Variants in TENM2 observed in about 807,000 individuals in gnomAD.
TENM2 encodes the protein teneurin transmembrane protein 2.
TENM2 carries 52 observed loss-of-function variants against 245.2 expected under a neutral mutation model. That is an observed-to-expected ratio of 0.21 (90% CI 0.17 to 0.27). The LOEUF is 0.27. Ranked by LOEUF, TENM2 falls within the 10% of genes least tolerant of loss-of-function variation. The pLI is 1.00. For missense variants in TENM2, 3,046 were observed against 3,666.8 expected (o/e 0.83, Z 4.37); for synonymous variants, 1,363 against 1,438.9 (o/e 0.95, Z 1.19).
chr5:167,963,873 C>A (rs1441660061), intron 4 of TENM2, among the ~76,000 whole-genome samples: 1 of 151,936 alleles, frequency 6.6e-6, no homozygotes, highest in African/African-American at 2.4e-5. Context: ...TAACAAAAGA[C>A]AAACAAGCAT....
intron 2 of TENM2, among the ~76,000 whole-genome samples, chr5:167,605,890 G>C (rs960924257): frequency 2.0e-5 from 3 of 152,176 alleles, no homozygotes; most frequent in African/African-American, 7.2e-5. Context: ...GTGTCGCCCA[G>C]AAGAGTCTGG....
chr5:167,994,661 G>C (rs1783918380), intron 5 of TENM2, among the ~76,000 whole-genome samples: 1 of 152,186 alleles, frequency 6.6e-6, no homozygotes. Flanking sequence ...CTCCCAAAGT[G>C]AGAAAACTGA....
chr5:167,899,048 G>T (rs1292464614), intron 3 of TENM2, among the ~76,000 whole-genome samples: 1 of 152,058 alleles, frequency 6.6e-6, no homozygotes, highest in East Asian at 1.9e-4. Context: ...AGGAATGAAG[G>T]GAGGGGGAAG....
chr5:168,130,803 C>T (rs112620330), intron 12 of TENM2, among the ~76,000 whole-genome samples: 1 of 152,026 alleles, frequency 6.6e-6, no homozygotes, highest in Non-Finnish European at 1.5e-5. Flanking sequence ...GTGGGAGAAT[C>T]GCTTGAGCCC....
chr5:167,926,733 C>G (rs2151670741), intron 3 of TENM2, among the ~76,000 whole-genome samples: 1 of 144,780 alleles, frequency 6.9e-6, no homozygotes, highest in Non-Finnish European at 1.5e-5. Context: ...CACACACACA[C>G]ACACACACAC....
At chr5:167,355,922 C>A (rs1759283461) in intron 1 of TENM2, among the ~76,000 whole-genome samples, 3 of 148,072 alleles carry the variant, frequency 2.0e-5, no homozygotes, top group Non-Finnish European at 4.4e-5. Flanking sequence ...GTGGCTCACA[C>A]CTGTAATCCT....
the TENM2 span, among the ~76,000 whole-genome samples, chr5:167,095,279 G>A: frequency 1.3e-5 from 2 of 152,142 alleles, no homozygotes; most frequent in African/African-American, 2.4e-5. Context: ...ATCATGACCC[G>A]CTTTGCAGAG....
At position 167,611,271 on chromosome 5, in the gene TENM2, A is replaced by G. The variant is rs138933654; in HGVS notation, c.502+235798A>G. Among the ~76,000 whole-genome samples the G allele has an allele frequency of 1.9e-3, 283 of 152,194 alleles. 2 individuals carry two copies. Among genetic ancestry groups the G allele is most frequent in the African/African-American group, 6.5e-3 (270 of 41,510 alleles). On this transcript the variant is annotated intron_variant, in intron 2 of 28. Coordinates refer to ENST00000518659, the Ensembl canonical transcript of TENM2. ...TTTCTTTAATACCAGGTTTCCTTTC[A>G]TGCTGCAATATATAAAACAGATCAA...
At chr5:167,417,622 T>C (rs1763238239) in intron 2 of TENM2, among the ~76,000 whole-genome samples, 1 of 152,158 alleles carries the variant, frequency 6.6e-6, no homozygotes, top group East Asian at 1.9e-4. Flanking sequence ...CCATACATTA[T>C]CTAGTTTAAG....
chr5:167,815,115 GT>G (rs1766944124), intron 2 of TENM2, among the ~76,000 whole-genome samples: 1 of 152,132 alleles, frequency 6.6e-6, no homozygotes, highest in Admixed American at 6.6e-5. Context: ...TTTCTTTGTG[GT>G]TTTAAGCAGA....
At chr5:168,214,311 G>A (rs1339355086) in intron 20 of TENM2, among the ~76,000 whole-genome samples, 3 of 152,292 alleles carry the variant, frequency 2.0e-5, no homozygotes, top group East Asian at 1.9e-4. Context: ...CACACACAAA[G>A]GTATTAATCC....
At chr5:168,222,002 A>C in intron 23 of TENM2, among the ~76,000 whole-genome samples, 1 of 152,352 alleles carries the variant, frequency 6.6e-6, no homozygotes, top group East Asian at 1.9e-4. Context: ...ATTTTTAGAA[A>C]TTAGCAAAGC....
intron 2 of TENM2, among the ~76,000 whole-genome samples, chr5:167,776,603 A>AAAAAAAAAAAAC (rs1763805161): frequency 1.1e-5 from 1 of 89,378 alleles, no homozygotes; most frequent in African/African-American, 5.6e-5. Context: ...GAAAAAAAAA[A>AAAAAAAAAAAAC]AAAAAAAAAA....
the TENM2 span, among the ~76,000 whole-genome samples, chr5:167,171,701 G>A: frequency 0.031 from 4,663 of 152,242 alleles, 220 homozygotes; most frequent in African/African-American, 0.11. Flanking sequence ...AAGAAGGACC[G>A]TGAAGACCCA....
chr5:167,015,254 C>T, the TENM2 span, among the ~76,000 whole-genome samples: 4 of 151,980 alleles, frequency 2.6e-5, no homozygotes, highest in South Asian at 2.1e-4. Flanking sequence ...TTCAAAATGC[C>T]GTACTCTTCT....
chr5:167,210,692 T>A, the TENM2 span, among the ~76,000 whole-genome samples: 1 of 151,622 alleles, frequency 6.6e-6, no homozygotes, highest in Non-Finnish European at 1.5e-5. Flanking sequence ...CTCGATCTCC[T>A]GACCTCATGA....
the TENM2 span, among the ~76,000 whole-genome samples, chr5:167,185,002 A>G: frequency 3.9e-5 from 6 of 152,130 alleles, no homozygotes; most frequent in Admixed American, 1.3e-4. Flanking sequence ...GCCGCTGCTG[A>G]TCTGACAGGG....
At chr5:167,176,186 A>G in the TENM2 span, among the ~76,000 whole-genome samples, 1 of 152,192 alleles carries the variant, frequency 6.6e-6, no homozygotes, top group African/African-American at 2.4e-5. Context: ...ATCTTCTAGA[A>G]TATTCTCTGT....
intron 5 of TENM2, among the ~76,000 whole-genome samples, chr5:168,015,407 G>A (rs892667478): frequency 1.3e-5 from 2 of 152,170 alleles, no homozygotes; most frequent in East Asian, 3.9e-4. Context: ...CCCAGTACCC[G>A]GGTAGCCAGA....
Sources: gnomAD v4.1 joint callset for allele counts (sites outside exome capture counted in the v4.1 genomes callset) on GRCh38, gnomAD v4.1.1 for gene constraint, MANE v1.5 for transcripts, NCBI Gene and HGNC (gene_info 2026-07-23, HGNC 2026-07-21) for gene names.